MTF2: variants seen among roughly 807,000 people sequenced by gnomAD.
The protein encoded by MTF2 is metal response element binding transcription factor 2.
MTF2 carries 11 observed loss-of-function variants against 79.5 expected under a neutral mutation model. The ratio of observed to expected loss-of-function variants is 0.14; its 90% CI spans 0.09 to 0.23. The LOEUF (loss-of-function observed/expected upper bound fraction) is 0.23, where lower values mean the gene tolerates loss of function less well. MTF2 is among the 10% of genes least tolerant of loss of function. MTF2 has a pLI of 1.00. For missense variants in MTF2, 486 were observed against 711.2 expected (o/e 0.68, Z 3.60); for synonymous variants, 208 against 232.8 (o/e 0.89, Z 0.97).
intron 3 of MTF2, among the ~76,000 whole-genome samples, chr1:93,112,387 A>G (rs1206815294): frequency 2.0e-5 from 1 of 49,128 alleles, no homozygotes; most frequent in Middle Eastern, 0.019. Flanking sequence ...TAAAAATTTT[A>G]CATAAAGAAA....
chr1:93,115,159 A>C (rs1656199668), intron 5 of MTF2, 71 bp downstream of exon 5: 4 of 1,169,352 alleles, frequency 3.4e-6, no homozygotes, highest in Non-Finnish European at 5.0e-6. Flanking sequence ...ATGATTGTGT[A>C]CACTGAAAGT....
chr1:93,129,528 T>C lies in MTF2; in HGVS notation c.1160+80T>C, dbSNP rs1461089547. ...TGTATGTTATTTAGTCTCCTTAGTA[T>C]ATTTGAAAGTACAAGTGGCAGTTAC... On this transcript the variant is annotated intron_variant, in intron 11 of 14. Transcript: ENST00000370298. 1.7e-5 allele frequency: 20 copies of C among 1,154,236 alleles called. No individual in the cohort carries two copies. The East Asian group carries it at 5.4e-4, about 31-fold the overall frequency. 71.5% of individuals were successfully genotyped at this position (1,154,236 alleles called of 1,614,324 possible).
At chr1:93,083,846 A>C (rs1192267890) in intron 1 of MTF2, among the ~76,000 whole-genome samples, 1 of 152,184 alleles carries the variant, frequency 6.6e-6, no homozygotes, top group African/African-American at 2.4e-5. Flanking sequence ...ATCTTTCCAC[A>C]TACTTGTTGG....
intron 4 of MTF2, 85 bp downstream of exon 4, chr1:93,114,868 T>C: frequency 7.9e-7 from 1 of 1,261,806 alleles, no homozygotes; most frequent in Non-Finnish European, 1.1e-6. Context: ...CATTGATAAT[T>C]TGAAATTATC....
intron 1 of MTF2, among the ~76,000 whole-genome samples, chr1:93,090,452 T>C (rs1356886675): frequency 6.6e-6 from 1 of 151,972 alleles, no homozygotes; most frequent in East Asian, 1.9e-4. Flanking sequence ...TTCTCCATGC[T>C]GGCCAGGAGG....
chr1:93,110,159 T>G, intron 1 of MTF2, 71 bp from the exon 2 acceptor site: 1 of 1,396,284 alleles, frequency 7.2e-7, no homozygotes, highest in Non-Finnish European at 9.9e-7. Flanking sequence ...GATTAACATA[T>G]AAAATATCCC....
intron 1 of MTF2, among the ~76,000 whole-genome samples, chr1:93,089,048 T>C (rs1249828628): frequency 6.6e-6 from 1 of 152,208 alleles, no homozygotes; most frequent in African/African-American, 2.4e-5. Flanking sequence ...TGTAATTTCA[T>C]GAAGAGTACT....
chr1:93,081,296 T>C (rs1654597822), intron 1 of MTF2, among the ~76,000 whole-genome samples: 1 of 152,236 alleles, frequency 6.6e-6, no homozygotes. Context: ...CATTAACTCT[T>C]TGATTTCATG....
At position 93,096,349 on chromosome 1, in the gene MTF2, A is replaced by G. The variant is rs562385965; in HGVS notation, c.6-13881A>G. ...TTTCTATCCAGGGCCCCAAATACGT[A>G]TTATTAATATGTTACAACTTCCAAG... On this transcript the variant is annotated intron_variant, in intron 1 of 14. Transcript: ENST00000370298. 3.9e-5 allele frequency among the ~76,000 whole-genome samples: 6 copies of G among 152,234 alleles called. No homozygotes were observed. In the South Asian group the frequency reaches 1.0e-3, roughly 26 times the overall value.
intron 1 of MTF2, among the ~76,000 whole-genome samples, chr1:93,084,588 C>G (rs1407992519): frequency 6.6e-6 from 1 of 152,136 alleles, no homozygotes; most frequent in Non-Finnish European, 1.5e-5. Context: ...GGAAGACTTG[C>G]CATTTTAATA....
Position 93,119,651 on chromosome 1 carries a change from C to T in MTF2, c.797+250C>T, listed in dbSNP as rs1656392415. Reference sequence around the variant, plus strand: ...TTCAGATATCCTTTAGACCTAAATTCTTACTCATATTTCTAGTTCTTTTGA... The same window carrying T: ...TTCAGATATCCTTTAGACCTAAATTTTTACTCATATTTCTAGTTCTTTTGA... On this transcript the variant is annotated intron_variant, in intron 8 of 14. Coordinates refer to ENST00000370298, the MANE Select transcript of MTF2 (RefSeq NM_007358.4). The T allele has an allele frequency of 8.4e-6, 3 of 357,914 alleles. No homozygotes were observed. The Admixed American group carries it at 1.4e-4, about 16-fold the overall frequency. The allele number at this position is 357,914 out of a possible 1,614,324, so 22.2% of individuals were successfully genotyped here.
intron 1 of MTF2, among the ~76,000 whole-genome samples, chr1:93,099,003 T>C (rs1655416780): frequency 6.6e-6 from 1 of 152,152 alleles, no homozygotes; most frequent in Non-Finnish European, 1.5e-5. Context: ...TTTGTCTATA[T>C]TGTAAACAGA....
At chr1:93,105,836 C>T (rs555429017) in intron 1 of MTF2, among the ~76,000 whole-genome samples, 16 of 152,012 alleles carry the variant, frequency 1.1e-4, no homozygotes, top group Admixed American at 2.6e-4. Flanking sequence ...CCATCACGCC[C>T]GGCTAATTTT....
In MTF2 at chr1:93,137,173, ATGTACC is replaced by A. The variant is rs1181781525; in HGVS notation, c.*150_*155del. The A allele has an allele frequency of 1.7e-6, 1 of 586,348 alleles. No individual in the cohort carries two copies. The highest frequency in any genetic ancestry group is 2.9e-6 in the Non-Finnish European group (1 of 343,036). The allele number at this position is 586,348 out of a possible 1,614,324, so 36.3% of individuals were successfully genotyped here. ...AAAAGGGGATGATACTAGCCTTAAC[ATGTACC>A]TGTCAATGTTATGGATATTGTCATA... On this transcript the variant is annotated 3_prime_UTR_variant, in exon 15 of 15. Transcript: ENST00000370298.
At chr1:93,083,517 T>C (rs1180019633) in intron 1 of MTF2, among the ~76,000 whole-genome samples, 1 of 152,248 alleles carries the variant, frequency 6.6e-6, no homozygotes, top group Non-Finnish European at 1.5e-5. Context: ...TAAGTAATGC[T>C]GCAGTGATCA....
chr1:93,114,967 T>G (rs1222711346), intron 4 of MTF2, 21 bp from the exon 5 acceptor site: 24 of 1,533,580 alleles, frequency 1.6e-5, no homozygotes, highest in Non-Finnish European at 2.1e-5. Flanking sequence ...GAATTTGCTT[T>G]ATGCTTTTTT....
chr1:93,116,535 G>C (rs1571240623), intron 6 of MTF2, among the ~76,000 whole-genome samples: 1 of 112,890 alleles, frequency 8.9e-6, no homozygotes, highest in Non-Finnish European at 1.7e-5. Flanking sequence ...ACAGGTTCTT[G>C]CTCTGTTGCC....
chr1:93,123,253 T>C (rs1656559611), intron 9 of MTF2, among the ~76,000 whole-genome samples: 1 of 144,778 alleles, frequency 6.9e-6, no homozygotes, highest in South Asian at 2.2e-4. Context: ...CAGGAGAGTC[T>C]CTCTCTCTCT....
intron 4 of MTF2, 102 bp from the exon 5 acceptor site, chr1:93,114,886 T>A: frequency 8.3e-7 from 1 of 1,206,490 alleles, no homozygotes; most frequent in Admixed American, 2.4e-5. Context: ...ATCCTTTTTA[T>A]TAATTATATT....
Sources: allele counts gnomAD v4.1 joint callset (sites outside exome capture counted in the v4.1 genomes callset), GRCh38; gene constraint gnomAD v4.1.1; transcripts MANE v1.5; gene names NCBI Gene and HGNC (gene_info 2026-07-23, HGNC 2026-07-21).